Variants in RPH3AL observed in about 807,000 individuals in gnomAD.
RPH3AL encodes the protein rabphilin 3A like (without C2 domains).
In RPH3AL, 38 loss-of-function variants were observed where a neutral mutation model predicts 43.1. The ratio of observed to expected loss-of-function variants is 0.88; its 90% CI spans 0.68 to 1.15. The LOEUF (loss-of-function observed/expected upper bound fraction) is 1.15. Among genes scored for constraint, RPH3AL ranks in the 50% most tolerant of loss-of-function variants. The probability of loss-of-function intolerance (pLI) is 0.00; values close to 1 mark genes in which losing one functional copy is unlikely to be tolerated. For missense variants in RPH3AL, 462 were observed against 423.2 expected (o/e 1.09, Z -0.81); for synonymous variants, 189 against 176.3 (o/e 1.07, Z -0.57).
chr17:253,968 G>A (rs113098820), intron 6 of RPH3AL, among the ~76,000 whole-genome samples: 23 of 3,578 alleles, frequency 6.4e-3, no homozygotes, highest in South Asian at 0.028. Flanking sequence ...TACTTCCTAT[G>A]AGGGGAGCTG....
At position 310,192 on chromosome 17, in the gene RPH3AL, G is replaced by C. The variant is rs375842436; in HGVS notation, c.351+9228C>G. 3.0e-4 allele frequency among the ~76,000 whole-genome samples: 45 copies of C among 152,144 alleles called. No individual in the cohort carries two copies. In the Middle Eastern group the frequency reaches 0.01, roughly 34 times the overall value. Reference sequence around the variant, plus strand: ...GCTGACTCAGATCCCAAGCAATTAGGAGCACCAGTCCTCTCTAATTAACCA... The same window carrying C: ...GCTGACTCAGATCCCAAGCAATTAGCAGCACCAGTCCTCTCTAATTAACCA... On this transcript the variant is annotated intron_variant, in intron 5 of 9. Coordinates refer to ENST00000331302, the MANE Select transcript of RPH3AL (RefSeq NM_006987.4).
chr17:262,716 A>T (rs187192848), intron 6 of RPH3AL, among the ~76,000 whole-genome samples: 1 of 152,264 alleles, frequency 6.6e-6, no homozygotes, highest in East Asian at 1.9e-4. Context: ...ACGAATCCTA[A>T]GCCCATGCCC....
chr17:281,624 C>G, intron 6 of RPH3AL, 144 bp downstream of exon 6: 1 of 655,036 alleles, frequency 1.5e-6, no homozygotes, highest in Non-Finnish European at 2.7e-6. Context: ...GAAACCCCTC[C>G]CAGTGACTGT....
chr17:231,629 T>C (rs1411325460), intron 7 of RPH3AL, among the ~76,000 whole-genome samples: 1 of 152,078 alleles, frequency 6.6e-6, no homozygotes, highest in African/African-American at 2.4e-5. Flanking sequence ...ATGGACGTGC[T>C]TCACTGCACG....
At chr17:317,195 A>T (rs931512228) in intron 5 of RPH3AL, among the ~76,000 whole-genome samples, 3 of 141,814 alleles carry the variant, frequency 2.1e-5, no homozygotes, top group Non-Finnish European at 4.6e-5. Context: ...ATTGACCTGT[A>T]GTCCCTGTAC....
rs115805158 is a variant in RPH3AL, at chr17:332,806, G to A, written c.-37+953C>T. The A allele has an allele frequency of 2.0e-3, 663 of 335,356 alleles. 3 individuals carry two copies. Among genetic ancestry groups the A allele is most frequent in the African/African-American group, 0.013 (606 of 46,842 alleles). The allele number at this position is 335,356 out of a possible 1,614,324, so 20.8% of individuals were successfully genotyped here. ...CTCCTCTGGGAAGCTGAGACCTCCT[G>A]GTGCCACCTCGACCCCGCCGGGCGA... On this transcript the variant is annotated intron_variant, in intron 2 of 9. Coordinates refer to ENST00000331302, the MANE Select transcript of RPH3AL (RefSeq NM_006987.4).
intron 6 of RPH3AL, among the ~76,000 whole-genome samples, chr17:248,259 C>T (rs1012848572): frequency 6.6e-6 from 1 of 152,310 alleles, no homozygotes; most frequent in South Asian, 2.1e-4. Flanking sequence ...CACTGCCCCT[C>T]GGGAGAGGGG....
At chr17:285,073 A>C (rs1195414929) in intron 5 of RPH3AL, among the ~76,000 whole-genome samples, 1 of 152,134 alleles carries the variant, frequency 6.6e-6, no homozygotes, top group African/African-American at 2.4e-5. Flanking sequence ...GGGTGATATA[A>C]ACATTCAGTC....
Position 246,927 on chromosome 17 carries a change from C to T in RPH3AL, c.613+184G>A. 6.6e-6 allele frequency among the ~76,000 whole-genome samples: 1 copy of T among 152,206 alleles called. No homozygotes were observed. Among genetic ancestry groups the T allele is most frequent in the East Asian group, 1.9e-4 (1 of 5,192 alleles). ...CCTGCACAGAGCGAACAGTCACCTG[C>T]TGGAGGTCCCCGCTGCTCACTCGGG... On this transcript the variant is annotated intron_variant, in intron 7 of 9. Transcript: ENST00000331302. The surrounding 1 kb of genome is among the most constrained non-coding windows in gnomAD (Gnocchi z 4.8).
Position 215,774 on chromosome 17 carries a change from C to T in RPH3AL, c.756G>A (p.Gly252=). The T allele has an allele frequency of 1.5e-6, 2 of 1,307,798 alleles. No individual in the cohort carries two copies. The highest frequency in any genetic ancestry group is 5.3e-5 in the South Asian group (2 of 37,756). The allele number at this position is 1,307,798 out of a possible 1,614,324, so 81.0% of individuals were successfully genotyped here. A position where few individuals can be genotyped will look rare whatever the true frequency, so the allele number is the denominator to read the frequency against. ...SGGSVEAPRM[G]FTHPPGHLSG... Reference sequence around the variant, plus strand: ...AGAGGTGGCCCGGCGGGTGGGTGAACCCCATCCTGGGGGCCTCCACGCTGC... The same window carrying T: ...AGAGGTGGCCCGGCGGGTGGGTGAATCCCATCCTGGGGGCCTCCACGCTGC... Residue 252 remains glycine, a synonymous_variant, in exon 9 of 10, where the codon GGG becomes GGA. Transcript: ENST00000331302. The surrounding 1 kb of genome is among the most constrained non-coding windows in gnomAD (Gnocchi z 4.1).
chr17:286,434 TGGCAGGG>T (rs71843241), intron 5 of RPH3AL, among the ~76,000 whole-genome samples: 40,739 of 151,726 alleles, frequency 0.27, 5,581 homozygotes, highest in East Asian at 0.42. Context: ...TGTCTCTGGC[TGGCAGGG>T]GGCAGGGGGC....
chr17:255,933 T>C (rs868946128), intron 6 of RPH3AL, among the ~76,000 whole-genome samples: 3 of 30,000 alleles, frequency 1.0e-4, no homozygotes, highest in Non-Finnish European at 2.3e-4. Context: ...ACGGCGTCTG[T>C]CCTTTTCCAT....
chr17:248,772 C>T (rs2041823375), intron 6 of RPH3AL, among the ~76,000 whole-genome samples: 1 of 152,232 alleles, frequency 6.6e-6, no homozygotes, highest in African/African-American at 2.4e-5. Context: ...GTTACTTAAC[C>T]TCTCTGAGCC....
chr17:323,484 G>A lies in RPH3AL; in HGVS notation c.78-2069C>T, dbSNP rs1164499122. ...TCCCCTCCACAACCCCTACCTACTG[G>A]TTTGTTCCATCTGAGCATTTCGGAG... On this transcript the variant is annotated intron_variant, in intron 3 of 9. Transcript: ENST00000331302. The surrounding 1 kb of genome is among the most constrained non-coding windows in gnomAD (Gnocchi z 4.4). Among the ~76,000 whole-genome samples the A allele has an allele frequency of 1.3e-5, 2 of 152,174 alleles. No individual in the cohort carries two copies. Among genetic ancestry groups the A allele is most frequent in the Non-Finnish European group, 2.9e-5 (2 of 68,026 alleles).
At chr17:259,494 C>T (rs566001161) in intron 6 of RPH3AL, among the ~76,000 whole-genome samples, 1 of 152,306 alleles carries the variant, frequency 6.6e-6, no homozygotes, top group Non-Finnish European at 1.5e-5. Context: ...CTGGCATCCA[C>T]ATCTACCCCT....
intron 1 of RPH3AL, among the ~76,000 whole-genome samples, chr17:340,358 A>T (rs2045079488): frequency 6.8e-6 from 1 of 147,592 alleles, no homozygotes; most frequent in Non-Finnish European, 1.5e-5. Flanking sequence ...CCCCACATCC[A>T]CACTCACTGC....
chr17:342,973 G>A (rs375507056), intron 1 of RPH3AL, among the ~76,000 whole-genome samples: 10 of 152,206 alleles, frequency 6.6e-5, no homozygotes, highest in East Asian at 3.9e-4. Flanking sequence ...TGTCAGGCAT[G>A]TAAGTTTCAC....
rs2041790347 is a variant in RPH3AL at position 247,270 on chromosome 17, C to T, written c.454G>A (p.Gly152Arg). The T allele has an allele frequency of 1.9e-6, 3 of 1,589,216 alleles. No homozygotes were observed. The highest frequency in any genetic ancestry group is 1.7e-6 in the Non-Finnish European group (2 of 1,166,692). The change falls in exon 7 of 10, where the codon GGG becomes AGG. Residue 152 changes from glycine to arginine, a missense_variant. Gly to Arg is a moderately radical substitution (Grantham distance 125). Transcript: ENST00000331302. ...GGGAGCCCTTTGTAGAACCAGGCCC[C>T]CGACCTCTTCCAGACCTGAGTGGGG... ...SEQREVWKRS[G>R]AWFYKGLPKY...
intron 7 of RPH3AL, among the ~76,000 whole-genome samples, chr17:226,225 C>T (rs1258783003): frequency 6.6e-6 from 1 of 152,206 alleles, no homozygotes; most frequent in Non-Finnish European, 1.5e-5. Context: ...GGGCCACAGC[C>T]GTGAAGAAGT....
Sources: gnomAD v4.1 joint callset for allele counts (sites outside exome capture counted in the v4.1 genomes callset) on GRCh38, gnomAD v4.1.1 for gene constraint, Gnocchi (gnomAD v3.1) non-coding constraint, MANE v1.5 for transcripts, NCBI Gene and HGNC (gene_info 2026-07-23, HGNC 2026-07-21) for gene names.